STAMBP: variants seen among roughly 807,000 people sequenced by gnomAD.
STAMBP encodes the protein STAM-binding protein.
In STAMBP, 31 loss-of-function variants were observed where a neutral mutation model predicts 50.7. The ratio of observed to expected loss-of-function variants is 0.61; its 90% CI spans 0.46 to 0.83. STAMBP has a LOEUF of 0.83. Ranked by LOEUF, STAMBP falls within the 40% of genes least tolerant of loss-of-function variation. STAMBP has a pLI of 0.00. For missense variants in STAMBP, 472 were observed against 518.9 expected (o/e 0.91, Z 0.88); for synonymous variants, 211 against 192.4 (o/e 1.10, Z -0.80).
At position 73,847,558 on chromosome 2, in the gene STAMBP, C is replaced by T. The variant is rs1370200658; in HGVS notation, c.547C>T (p.Gln183Ter). 1.2e-6 allele frequency: 2 copies of T among 1,614,128 alleles called. No homozygotes were observed. The highest frequency in any genetic ancestry group is 2.2e-5 in the East Asian group (1 of 44,882). ...AGAAAAAGAGCGACTGAAAATTGTA[C>T]AGGAGTTTGGGAAGGTAGACCCTGG... The part of the protein sequence containing the change: ...ELEKERLKIV[Q>*]EFGKVDPGLG... The change falls in exon 5 of 10, where the codon CAG becomes TAG. Residue 183 changes from glutamine (Q) to a stop codon, truncating the protein, a stop_gained. Coordinates refer to ENST00000394070, the MANE Select transcript of STAMBP (RefSeq NM_213622.4). LOFTEE classifies it high-confidence loss of function.
At chr2:73,860,173 A>G (rs905332579) in intron 9 of STAMBP, 22 bp downstream of exon 9, 1 of 1,592,302 alleles carries the variant, frequency 6.3e-7, no homozygotes, top group East Asian at 2.2e-5. Flanking sequence ...TGTAAAAGAA[A>G]ATGGGGCTAT....
chr2:73,829,331 A>T lies in STAMBP; in HGVS notation c.-192A>T, dbSNP rs1344899182. 6.6e-6 allele frequency: 1 copy of T among 152,360 alleles called. No individual in the cohort carries two copies. Among genetic ancestry groups the T allele is most frequent in the Non-Finnish European group, 1.5e-5 (1 of 68,156 alleles). 9.4% of individuals were successfully genotyped at this position (152,360 alleles called of 1,614,324 possible). ...CCTACTGTATACGCCCCCTCCGCTC[A>T]TTCCTGCTACTTCCTTTCTCCTCCT... On this transcript the variant is annotated 5_prime_UTR_variant, in exon 1 of 10. Coordinates refer to ENST00000394070, the MANE Select transcript of STAMBP (RefSeq NM_213622.4).
chr2:73,830,959 C>G lies in STAMBP; in HGVS notation c.103C>G (p.Arg35Gly). 1.9e-6 allele frequency: 3 copies of G among 1,614,192 alleles called. No homozygotes were observed. Among genetic ancestry groups the G allele is most frequent in the African/African-American group, 2.7e-5 (2 of 75,052 alleles). ...GGTGAATGAAGACATTCCACCCCGT[C>G]GGTACTTCCGCTCTGGAGTTGAGAT... The part of the protein sequence containing the change: ...VEVNEDIPPR[R>G]YFRSGVEIIR... The change falls in exon 2 of 10, where the codon CGG (arginine) becomes GGG (glycine). Residue 35 changes from arginine (R) to glycine (G), a missense_variant. Coordinates refer to ENST00000394070, the MANE Select transcript of STAMBP (RefSeq NM_213622.4).
Position 73,850,901 on chromosome 2 carries a change from A to T in STAMBP, c.1005+388A>T, listed in dbSNP as rs933920920. ...TCAAAATATTTTAAATGAGCCAAGG[A>T]GGTTAATTCAGATGCTTGCATTTGG... On this transcript the variant is annotated intron_variant, in intron 7 of 9. Coordinates refer to ENST00000394070, the MANE Select transcript of STAMBP (RefSeq NM_213622.4). The surrounding 1 kb of genome is among the most constrained non-coding windows in gnomAD (Gnocchi z 4.3). Among the ~76,000 whole-genome samples, 3 of 152,186 alleles carry T rather than the reference A, an allele frequency of 2.0e-5. No individual in the cohort carries two copies. The highest frequency in any genetic ancestry group is 7.2e-5 in the African/African-American group (3 of 41,432).
Position 73,862,256 on chromosome 2 carries a change from A to G in STAMBP, c.1272A>G (p.Arg424=), listed in dbSNP as rs755603351. 7 of 1,611,998 alleles carry G rather than the reference A, an allele frequency of 4.3e-6. No homozygotes were observed. In the East Asian group the frequency reaches 1.3e-4, roughly 31 times the overall value. Residue 424 remains arginine (R), a synonymous_variant, in exon 10 of 10, where the codon CGA becomes CGG. Transcript: ENST00000394070. ...VDRAVTITDL[R] is the part of the protein sequence containing the mutation. ...GAGCAGTGACCATCACAGACCTTCG[A>G]TGAGCGTTTGAGTCCAACACCTTCC...
In STAMBP at chr2:73,844,930, A is replaced by G. The variant is rs756671518; in HGVS notation, c.279+42A>G. On this transcript the variant is annotated intron_variant, in intron 3 of 9. Transcript: ENST00000394070. ...ATTGTTGCCCATCTAAAAGCTTCAG[A>G]GCAGCACAGACTGACTTCAAGATAA... 9.3e-6 allele frequency: 15 copies of G among 1,606,078 alleles called. No homozygotes were observed. The South Asian group carries it at 1.6e-4, about 17-fold the overall frequency.
chr2:73,853,226 T>C (rs148915331), intron 7 of STAMBP, among the ~76,000 whole-genome samples: 2 of 152,226 alleles, frequency 1.3e-5, no homozygotes, highest in East Asian at 1.9e-4. Context: ...TAAGAACTCA[T>C]AGGGATTAAG....
At chr2:73,835,112 G>A (rs1343753430) in intron 2 of STAMBP, among the ~76,000 whole-genome samples, 2 of 152,110 alleles carry the variant, frequency 1.3e-5, no homozygotes, top group African/African-American at 2.4e-5. Flanking sequence ...AGTGGCTCAC[G>A]CCTGTGATCT....
intron 2 of STAMBP, among the ~76,000 whole-genome samples, chr2:73,844,064 A>G (rs1675769205): frequency 6.6e-6 from 1 of 152,236 alleles, no homozygotes; most frequent in African/African-American, 2.4e-5. Context: ...GTGACAGGTT[A>G]CTGGACTTTT....
intron 9 of STAMBP, among the ~76,000 whole-genome samples, chr2:73,861,666 G>A (rs578081870): frequency 1.2e-4 from 18 of 150,900 alleles, no homozygotes; most frequent in Admixed American, 9.9e-4. Context: ...CTACAGGTGC[G>A]CGCCGCCACA....
chr2:73,859,151 C>T (rs987655124), intron 7 of STAMBP, 103 bp from the exon 8 acceptor site: 7 of 785,316 alleles, frequency 8.9e-6, no homozygotes, highest in African/African-American at 1.7e-5. Flanking sequence ...TTTCAGATTG[C>T]AGTTGATATG....
chr2:73,869,999 A>G (rs761456610), downstream of STAMBP: 1 of 152,214 alleles, frequency 6.6e-6, no homozygotes, highest in Non-Finnish European at 1.5e-5. Context: ...AAAAATATTA[A>G]TATTAGTTAT....
At chr2:73,847,081 CAAAAA>C (rs10685610) in intron 4 of STAMBP, among the ~76,000 whole-genome samples, 1 of 96,260 alleles carries the variant, frequency 1.0e-5, no homozygotes, top group Admixed American at 1.1e-4. Context: ...GACCCTGTCT[CAAAAA>C]AAAAAAAAAA....
At chr2:73,835,318 C>T (rs927549777) in intron 2 of STAMBP, among the ~76,000 whole-genome samples, 15 of 148,536 alleles carry the variant, frequency 1.0e-4, no homozygotes, top group African/African-American at 3.7e-4. Flanking sequence ...CGCGGCACTG[C>T]ACTCCAGCCT....
intron 2 of STAMBP, among the ~76,000 whole-genome samples, chr2:73,842,404 G>A (rs1675514237): frequency 6.7e-6 from 1 of 149,592 alleles, no homozygotes; most frequent in Non-Finnish European, 1.5e-5. Context: ...TATGTGTGAT[G>A]CCAATGGGAT....
rs796664452 is a variant in STAMBP at position 73,837,615 on chromosome 2, AC to A, written c.203+6557del. 3.6e-3 allele frequency among the ~76,000 whole-genome samples: 539 copies of A among 148,478 alleles called. 10 individuals are homozygous for A. The highest frequency in any genetic ancestry group is 0.012 in the African/African-American group (475 of 39,682). ...AAAAAAAAAAAAAAAAAAAAAAAGA[AC>A]ACATTAATACAGAAGAATATATCAC... is the stretch of plus-strand genomic sequence containing the variant. On this transcript the variant is annotated intron_variant, in intron 2 of 9. Transcript: ENST00000394070.
At chr2:73,834,702 G>T (rs778679244) in intron 2 of STAMBP, among the ~76,000 whole-genome samples, 4 of 152,162 alleles carry the variant, frequency 2.6e-5, no homozygotes, top group Non-Finnish European at 4.4e-5. Context: ...AGAATAAGCA[G>T]GGGTTTATGA....
rs1030980593 is a variant in STAMBP at position 73,866,149 on chromosome 2, G to A, written c.*3890G>A. On this transcript the variant is annotated 3_prime_UTR_variant, in exon 10 of 10. Transcript: ENST00000394070. ...AGGGTTCAATTTTTAGTTCACCTTA[G>A]CCTGTTTGAGATTAGAAGCTGGGCC... The A allele has an allele frequency of 6.6e-6, 1 of 152,160 alleles. No individual in the cohort carries two copies. Among genetic ancestry groups the A allele is most frequent in the Non-Finnish European group, 1.5e-5 (1 of 68,048 alleles). The allele number at this position is 152,160 out of a possible 1,614,324, so 9.4% of individuals were successfully genotyped here.
At chr2:73,868,140 A>C (rs1013755472), downstream of STAMBP, among the ~76,000 whole-genome samples, 4 of 151,090 alleles carry the variant, frequency 2.6e-5, no homozygotes, top group East Asian at 1.9e-4. Context: ...AAAAAAAAAA[A>C]CCCAGAAATT....
Sources: gnomAD v4.1 joint callset for allele counts (sites outside exome capture counted in the v4.1 genomes callset) on GRCh38, gnomAD v4.1.1 for gene constraint, Gnocchi (gnomAD v3.1) non-coding constraint, MANE v1.5 for transcripts, NCBI Gene and HGNC (gene_info 2026-07-23, HGNC 2026-07-21) for gene names.